PRICKLE1: variants seen among roughly 807,000 people sequenced by gnomAD.
The protein encoded by PRICKLE1 is prickle planar cell polarity protein 1, also known as prickle-like protein 1.
In PRICKLE1, 14 loss-of-function variants were observed where a neutral mutation model predicts 70.2. The observed-to-expected ratio is 0.20, with a 90% CI of 0.13 to 0.31. The LOEUF is 0.31. Among genes scored for constraint, PRICKLE1 ranks in the 10% least tolerant of loss-of-function variants. The probability of loss-of-function intolerance (pLI) is 1.00; values close to 1 mark genes in which losing one functional copy is unlikely to be tolerated. For missense variants in PRICKLE1, 821 were observed against 1,026.2 expected (o/e 0.80, Z 2.73); for synonymous variants, 357 against 379.9 (o/e 0.94, Z 0.70).
At position 42,589,426 on chromosome 12, in the gene PRICKLE1, C is replaced by T. The variant is rs984918142; in HGVS notation, c.-49+39G>A. On this transcript the variant is annotated intron_variant, in intron 1 of 7. Transcript: ENST00000345127. This position sits in a 1 kb window ranked among gnomAD's most constrained non-coding sequence, Gnocchi z 5.0. ...CGCCCCCCACCACCGCGCCGCAGCC[C>T]CCTCTGCGGAATCCGCCGGGATCCA... 1 of 152,370 alleles carries T rather than the reference C, an allele frequency of 6.6e-6. No homozygotes were observed. The highest frequency in any genetic ancestry group is 1.5e-5 in the Non-Finnish European group (1 of 68,224). 9.4% of individuals were successfully genotyped at this position (152,370 alleles called of 1,614,324 possible).
intron 1 of PRICKLE1, among the ~76,000 whole-genome samples, chr12:42,539,125 C>T (rs544178242): frequency 1.3e-5 from 2 of 152,196 alleles, no homozygotes; most frequent in South Asian, 4.2e-4. Context: ...AAAACTTGAA[C>T]GTCAAAGTTC....
At chr12:42,581,746 CA>C (rs71948536) in intron 1 of PRICKLE1, among the ~76,000 whole-genome samples, 233 of 109,648 alleles carry the variant, frequency 2.1e-3, no homozygotes, top group Middle Eastern at 5.6e-3. Flanking sequence ...GACTCCATCT[CA>C]AAAAAAAAAA....
In PRICKLE1 at chr12:42,464,937, T is replaced by C. The variant is rs771210638; in HGVS notation, c.1097A>G (p.Asn366Ser). The C allele has an allele frequency of 1.2e-6, 2 of 1,614,068 alleles. No homozygotes were observed. The highest frequency in any genetic ancestry group is 1.7e-6 in the Non-Finnish European group (2 of 1,180,042). Residue 366 changes from asparagine to serine, a missense_variant, in exon 7 of 8, where the codon AAT becomes AGT. By Grantham distance (46) the Asn-to-Ser change is conservative. Coordinates refer to ENST00000345127, the MANE Select transcript of PRICKLE1 (RefSeq NM_153026.3). This position sits in a 1 kb window ranked among gnomAD's most constrained non-coding sequence, Gnocchi z 4.2. ...LNYKFPGLSG[N>S]ADDTLSRKLD... ...TTTTCGAGAAAGGGTGTCATCAGCA[T>C]TGCCTGAGAGGCCAGGAAACTTGTA...
In PRICKLE1 at chr12:42,589,415, G is replaced by C. The variant is rs1465641387; in HGVS notation, c.-49+50C>G. On this transcript the variant is annotated intron_variant, in intron 1 of 7. Transcript: ENST00000345127. This position sits in a 1 kb window ranked among gnomAD's most constrained non-coding sequence, Gnocchi z 5.0. ...CCTGCGGCGCTCGCCCCCCACCACCGCGCCGCAGCCCCCTCTGCGGAATCC... is the reference window on the plus strand; with the variant it reads ...CCTGCGGCGCTCGCCCCCCACCACCCCGCCGCAGCCCCCTCTGCGGAATCC... 6.6e-6 allele frequency: 1 copy of C among 152,224 alleles called. No homozygotes were observed. Among genetic ancestry groups the C allele is most frequent in the East Asian group, 1.9e-4 (1 of 5,134 alleles). The allele number at this position is 152,224 out of a possible 1,614,324, so 9.4% of individuals were successfully genotyped here.
intron 3 of PRICKLE1, chr12:42,470,026 A>C: frequency 1.8e-6 from 1 of 542,916 alleles, no homozygotes. Context: ...GGTGGCTGCA[A>C]ACACTATAAA....
intron 1 of PRICKLE1, among the ~76,000 whole-genome samples, chr12:42,517,548 G>A (rs1364713156): frequency 6.6e-6 from 1 of 151,916 alleles, no homozygotes; most frequent in East Asian, 1.9e-4. Flanking sequence ...TCCTGACCTC[G>A]TGATCCGCCC....
intron 1 of PRICKLE1, among the ~76,000 whole-genome samples, chr12:42,476,504 CG>C (rs763375475): frequency 1.4e-4 from 21 of 151,340 alleles, no homozygotes; most frequent in Non-Finnish European, 2.2e-4. Flanking sequence ...TTAGTAGAGA[CG>C]GGGTTTCTCC....
intron 1 of PRICKLE1, among the ~76,000 whole-genome samples, chr12:42,540,772 G>C (rs1294350418): frequency 6.6e-6 from 1 of 152,004 alleles, no homozygotes. Context: ...TGTTGGTCAG[G>C]CTGGTCTCAA....
At chr12:42,585,529 T>C (rs1000137606) in intron 1 of PRICKLE1, among the ~76,000 whole-genome samples, 2 of 152,166 alleles carry the variant, frequency 1.3e-5, no homozygotes, top group African/African-American at 4.8e-5. Flanking sequence ...GGCTCAGGAA[T>C]GGTTCTTGGA....
intron 5 of PRICKLE1, among the ~76,000 whole-genome samples, chr12:42,468,200 A>T (rs539323788): frequency 1.3e-5 from 2 of 152,330 alleles, no homozygotes; most frequent in South Asian, 4.1e-4. Flanking sequence ...CCCCGAGGGT[A>T]ACTACTATTA....
chr12:42,485,239 G>GTTTTTTTTTTTTTTTTTTT (rs556218718), intron 1 of PRICKLE1: 4 of 100,784 alleles, frequency 4.0e-5, no homozygotes, highest in Non-Finnish European at 5.6e-5. Context: ...CAGCTGAGAA[G>GTTTTTTTTTTTTTTTTTTT]TTTTTTTTTT....
chr12:42,496,052 A>T (rs1327151439), intron 1 of PRICKLE1, among the ~76,000 whole-genome samples: 2 of 152,244 alleles, frequency 1.3e-5, no homozygotes, highest in Non-Finnish European at 2.9e-5. Flanking sequence ...CTTTGCCCAG[A>T]TCCACCAGAG....
chr12:42,477,676 T>G (rs1307826280), intron 1 of PRICKLE1, among the ~76,000 whole-genome samples: 1 of 151,728 alleles, frequency 6.6e-6, no homozygotes, highest in Non-Finnish European at 1.5e-5. Flanking sequence ...TAACCATGGT[T>G]GAATGTGGTC....
intron 1 of PRICKLE1, among the ~76,000 whole-genome samples, chr12:42,531,707 T>C (rs1272148710): frequency 2.0e-5 from 3 of 152,218 alleles, no homozygotes; most frequent in Non-Finnish European, 2.9e-5. Context: ...CATTAATTAA[T>C]TTGAATACAG....
chr12:42,511,179 A>G (rs905531247), intron 1 of PRICKLE1, among the ~76,000 whole-genome samples: 3 of 152,198 alleles, frequency 2.0e-5, no homozygotes, highest in Non-Finnish European at 4.4e-5. Context: ...CTTTACCAAT[A>G]AAACCAGAGG....
chr12:42,495,629 C>T (rs71453360), intron 1 of PRICKLE1, among the ~76,000 whole-genome samples: 9,928 of 151,432 alleles, frequency 0.066, 362 homozygotes, highest in African/African-American at 0.1. Flanking sequence ...CTCGCTCTGT[C>T]GCCAGGCTGG....
chr12:42,544,774 A>T (rs1398696978), intron 1 of PRICKLE1, among the ~76,000 whole-genome samples: 1 of 152,230 alleles, frequency 6.6e-6, no homozygotes, highest in Non-Finnish European at 1.5e-5. Context: ...AATGGTAGTT[A>T]CCTGGCTGCT....
At chr12:42,536,200 T>TA (rs530450721) in intron 1 of PRICKLE1, among the ~76,000 whole-genome samples, 9 of 152,168 alleles carry the variant, frequency 5.9e-5, no homozygotes, top group Non-Finnish European at 1.3e-4. Context: ...CAGAAAGACT[T>TA]AGACACTGGA....
At chr12:42,549,489 C>T (rs946135493) in intron 1 of PRICKLE1, among the ~76,000 whole-genome samples, 2 of 152,134 alleles carry the variant, frequency 1.3e-5, no homozygotes, top group South Asian at 2.1e-4. Flanking sequence ...CTTTAGGGTC[C>T]GGGATCATGG....
Sources: gnomAD v4.1 joint callset for allele counts (sites outside exome capture counted in the v4.1 genomes callset) on GRCh38, gnomAD v4.1.1 for gene constraint, Gnocchi (gnomAD v3.1) non-coding constraint, MANE v1.5 for transcripts, NCBI Gene and HGNC (gene_info 2026-07-23, HGNC 2026-07-21) for gene names.